The following PNKP variants were observed in gnomAD, a reference collection of about 807,000 sequenced individuals.
PNKP encodes the protein bifunctional polynucleotide phosphatase/kinase.
In PNKP, 82 loss-of-function variants were observed where a neutral mutation model predicts 66.2. The observed-to-expected ratio is 1.24, with a 90% CI of 1.04 to 1.49. The LOEUF is 1.49. Ranked by LOEUF, PNKP falls within the 40% of genes most tolerant of loss-of-function variation. The probability of loss-of-function intolerance (pLI) is 0.00; values close to 1 mark genes in which losing one functional copy is unlikely to be tolerated. For missense variants in PNKP, 907 were observed against 706.8 expected, an observed-to-expected ratio of 1.28 and a Z score of -3.21; for synonymous variants, 412 against 298.9, an observed-to-expected ratio of 1.38 and a Z score of -3.90.
At chr19:49,862,890 C>T (rs2074789161) in intron 8 of PNKP, 152 bp from the exon 9 acceptor site, 4 of 811,706 alleles carry the variant, frequency 4.9e-6, no homozygotes, top group Non-Finnish European at 8.3e-6. Flanking sequence ...TTGCACCGTG[C>T]TCCTGGCCCC....
rs1388876080 is a variant in PNKP at position 49,864,332 on chromosome 19, A to G, written c.570T>C (p.Ser190=). 1 of 1,613,600 alleles carries G rather than the reference A, an allele frequency of 6.2e-7. No individual in the cohort carries two copies. Among genetic ancestry groups the G allele is most frequent in the South Asian group, 1.1e-5 (1 of 91,076 alleles). The change falls in exon 5 of 17, where the codon AGT becomes AGC. Residue 190 remains serine, a synonymous_variant. Transcript: ENST00000322344. ...RSGKVFPTGP[S]DWRILYPEIP... ...GTTTTGCCTCTTATCACCTCCAGTC[A>G]CTGGGGCCAGTGGGAAAGACCTTCC... is the stretch of plus-strand genomic sequence containing the variant.
At chr19:49,866,872 C>G in intron 2 of PNKP, 182 bp downstream of exon 2, 1 of 690,092 alleles carries the variant, frequency 1.4e-6, no homozygotes, top group African/African-American at 1.8e-5. Context: ...TCCCCTCTCC[C>G]CCAAAGGATC....
At position 49,862,371 on chromosome 19, in the gene PNKP, C is replaced by T. The variant is rs796052853; in HGVS notation, c.1029G>A (p.Pro343=). The T allele has an allele frequency of 9.0e-6, 14 of 1,548,410 alleles. No individual in the cohort carries two copies. The highest frequency in any genetic ancestry group is 2.0e-5 in the Admixed American group (1 of 51,102). ...CCCCACCCCCGCCCCAGGGCCTCAC[C>T]GGATCAAAGGCTGGGAGCTCGAAGC... ...AAGFELPAFD[P]RTVSRSGPLC... The change falls in exon 11 of 17, where the codon CCG becomes CCA. Residue 343 remains proline (P), a splice_region_variant and synonymous_variant. Transcript: ENST00000322344.
At chr19:49,862,908 C>G (rs2074789440) in intron 8 of PNKP, 170 bp from the exon 9 acceptor site, 4 of 725,636 alleles carry the variant, frequency 5.5e-6, no homozygotes, top group Admixed American at 4.0e-5. Flanking sequence ...CCCCTCCCCC[C>G]TCCGTGGTCT....
intron 1 of PNKP, 49 bp from the exon 2 acceptor site, chr19:49,867,266 GCAGGAAGTC>G (rs2074828736): frequency 6.5e-7 from 1 of 1,531,960 alleles, no homozygotes; most frequent in African/African-American, 1.4e-5. Flanking sequence ...CCAATTTGCT[GCAGGAAGTC>G]CCGCCTCCTC....
rs34472250 is a variant in PNKP, at chr19:49,865,209, C to T, written c.416G>A (p.Arg139His). ...CCAGCCGGGGTTTGACTTCCGCATA[C>T]GCTTCTTCGGCAGCTCAGCATCTCT... ...EKRDAELPKK[R>H]MRKSNPGWEN... Residue 139 changes from arginine (R) to histidine (H), a missense_variant, in exon 4 of 17, where the codon CGT becomes CAT. By Grantham distance (29) the Arg-to-His change is conservative. Coordinates refer to ENST00000322344, the MANE Select transcript of PNKP (RefSeq NM_007254.4). 4,714 of 1,614,214 alleles carry T rather than the reference C, an allele frequency of 2.9e-3. 7 individuals are homozygous for T. The highest frequency in any genetic ancestry group is 3.6e-3 in the Non-Finnish European group (4,224 of 1,180,026).
intron 2 of PNKP, 72 bp from the exon 3 acceptor site, chr19:49,866,517 G>A (rs777183812): frequency 7.0e-7 from 1 of 1,426,316 alleles, no homozygotes; most frequent in South Asian, 1.1e-5. Context: ...GGGGAGTGTG[G>A]CCTGCTTCAG....
intron 8 of PNKP, among the ~76,000 whole-genome samples, chr19:49,862,998 CTGCTACAGCTCCAGCCTCCGGCG>C: frequency 6.6e-6 from 1 of 152,274 alleles, no homozygotes; most frequent in South Asian, 2.1e-4. Flanking sequence ...GGCACCCACC[CTGCTACAGCTCCAGCCTCCGGCG>C]TGCCGGCGCC....
At chr19:49,865,601 C>CTT (rs749242089) in intron 3 of PNKP, 175 bp from the exon 4 acceptor site, 1,689 of 315,826 alleles carry the variant, frequency 5.3e-3, no homozygotes, top group South Asian at 6.8e-3. Context: ...TTGTCCGAAT[C>CTT]TTTTTTTTTT....
intron 8 of PNKP, 106 bp from the exon 9 acceptor site, chr19:49,862,844 TC>T (rs2074788858): frequency 5.8e-6 from 7 of 1,210,554 alleles, no homozygotes; most frequent in Non-Finnish European, 8.4e-6. Context: ...TCAGGAATCA[TC>T]CCCCGACCTT....
At position 49,864,316 on chromosome 19, in the gene PNKP, C is replaced by G. The variant is rs1434825029; in HGVS notation, c.578+8G>C. 6.2e-7 allele frequency: 1 copy of G among 1,613,368 alleles called. No individual in the cohort carries two copies. Among genetic ancestry groups the G allele is most frequent in the Non-Finnish European group, 8.5e-7 (1 of 1,179,422 alleles). On this transcript the variant is annotated splice_region_variant and intron_variant, in intron 5 of 16. Coordinates refer to ENST00000322344, the MANE Select transcript of PNKP (RefSeq NM_007254.4). ...CCTCACTCACTCCCTTGTTTTGCCT[C>G]TTATCACCTCCAGTCACTGGGGCCA... is the stretch of plus-strand genomic sequence containing the variant.
chr19:49,866,336 G>A, intron 3 of PNKP, 63 bp downstream of exon 3: 2 of 1,462,638 alleles, frequency 1.4e-6, no homozygotes, highest in South Asian at 1.1e-5. Context: ...TTCACTGACG[G>A]CTTGCAATTC....
chr19:49,866,781 C>G, intron 2 of PNKP: 1 of 594,950 alleles, frequency 1.7e-6, no homozygotes, highest in Non-Finnish European at 3.0e-6. Context: ...TTTCTCTTGA[C>G]GAAGGTCGTC....
chr19:49,862,718 TATGGG>T lies in PNKP; in HGVS notation c.832_836del (p.Pro278IlefsTer46), dbSNP rs2074787223. On this transcript the variant is annotated frameshift_variant, in exon 9 of 17. Transcript: ENST00000322344. LOFTEE classifies it high-confidence loss of function. ...CCACAAAGATGCTGTCCCCGATGGA[TATGGG>T]CGTGCCGTCGTTGGCCTACGGGAGA... 1 of 1,613,954 alleles carries T rather than the reference TATGGG, an allele frequency of 6.2e-7. No individual in the cohort carries two copies. Among genetic ancestry groups the T allele is most frequent in the African/African-American group, 1.3e-5 (1 of 74,910 alleles).
At position 49,862,121 on chromosome 19, in the gene PNKP, T is replaced by A; in HGVS notation, c.1127-16A>T. 1 of 1,614,084 alleles carries A rather than the reference T, an allele frequency of 6.2e-7. No individual in the cohort carries two copies. Among genetic ancestry groups the A allele is most frequent in the Non-Finnish European group, 8.5e-7 (1 of 1,179,966 alleles). The stretch of plus-strand genomic sequence containing the variant: ...GACTTCCCGGCTGTGTGGGGGGCAG[T>A]GTCGGTGGGTGGCCTAGGACCCAGG... On this transcript the variant is annotated splice_polypyrimidine_tract_variant and intron_variant, in intron 12 of 16. Transcript: ENST00000322344.
In PNKP at chr19:49,864,414, C is replaced by T. The variant is rs2074803366; in HGVS notation, c.499-11G>A. ...ATCAAAGCCAGCCACCTGGTGTCAC[C>T]AAGGAAAGACAAACAGCAGCACTGT... On this transcript the variant is annotated splice_polypyrimidine_tract_variant and intron_variant, in intron 4 of 16. Transcript: ENST00000322344. The T allele has an allele frequency of 3.1e-6, 5 of 1,604,432 alleles. No individual in the cohort carries two copies. Among genetic ancestry groups the T allele is most frequent in the Non-Finnish European group, 4.3e-6 (5 of 1,171,550 alleles).
At chr19:49,866,524 T>A (rs762240802) in intron 2 of PNKP, 79 bp from the exon 3 acceptor site, 2 of 1,358,110 alleles carry the variant, frequency 1.5e-6, no homozygotes, top group South Asian at 2.3e-5. Context: ...GTGGCCTGCT[T>A]CAGGCTATAG....
Position 49,864,207 on chromosome 19 carries a change from AGCTTAC to A in PNKP, c.602_607del (p.Arg201_Lys202del). ...GTAGCCCTCGGCTTCCAGCTCTCGG[AGCTTAC>A]GGGGAATCTCTGGGTACAAGATCCT... On this transcript the variant is annotated inframe_deletion, in exon 6 of 17. Transcript: ENST00000322344. 1 of 1,614,052 alleles carries A rather than the reference AGCTTAC, an allele frequency of 6.2e-7. No individual in the cohort carries two copies. Among genetic ancestry groups the A allele is most frequent in the Non-Finnish European group, 8.5e-7 (1 of 1,180,002 alleles).
At position 49,867,226 on chromosome 19, in the gene PNKP, C is replaced by CA. The variant is rs902149638; in HGVS notation, c.-13-10dup. ...CCATCCTGGGTGCCGGCCTGGGGAG[C>CA]AGGTAAACGGGCTTGAGCGGCGCAC... is the stretch of plus-strand genomic sequence containing the variant. On this transcript the variant is annotated splice_polypyrimidine_tract_variant and intron_variant, in intron 1 of 16. Coordinates refer to ENST00000322344, the MANE Select transcript of PNKP (RefSeq NM_007254.4). 2 of 1,603,546 alleles carry CA rather than the reference C, an allele frequency of 1.2e-6. No individual in the cohort carries two copies. The highest frequency in any genetic ancestry group is 1.3e-5 in the African/African-American group (1 of 74,586).
Sources: gnomAD v4.1 joint callset for allele counts (sites outside exome capture counted in the v4.1 genomes callset) on GRCh38, gnomAD v4.1.1 for gene constraint, MANE v1.5 for transcripts, NCBI Gene and HGNC (gene_info 2026-07-23, HGNC 2026-07-21) for gene names.